SNTA1: variants seen among roughly 807,000 people sequenced by gnomAD.
SNTA1 encodes alpha-1-syntrophin.
In SNTA1, 31 loss-of-function variants were observed where a neutral mutation model predicts 47.1. The observed-to-expected ratio is 0.66, with a 90% confidence interval of 0.49 to 0.89. The LOEUF (loss-of-function observed/expected upper bound fraction) is 0.89. Ranked by LOEUF, SNTA1 falls within the 40% of genes least tolerant of loss-of-function variation. The pLI, the probability that SNTA1 is intolerant of heterozygous loss-of-function variation, is 0.00. For missense variants in SNTA1, 575 were observed against 693.0 expected, an observed-to-expected ratio of 0.83 and a Z score of 1.91; for synonymous variants, 300 against 313.6, an observed-to-expected ratio of 0.96 and a Z score of 0.46.
At chr20:33,425,213 G>A (rs1190645934) in intron 2 of SNTA1, among the ~76,000 whole-genome samples, 1 of 152,098 alleles carries the variant, frequency 6.6e-6, no homozygotes, top group African/African-American at 2.4e-5. Flanking sequence ...GGAGGTCAAG[G>A]CTGCTATGAT....
At chr20:33,438,525 G>C (rs1164562402) in intron 2 of SNTA1, among the ~76,000 whole-genome samples, 1 of 152,164 alleles carries the variant, frequency 6.6e-6, no homozygotes, top group Non-Finnish European at 1.5e-5. Context: ...CAACAACCCA[G>C]AAAGGCAGGA....
chr20:33,416,023 G>T (rs145974887), intron 3 of SNTA1, among the ~76,000 whole-genome samples: 1 of 152,034 alleles, frequency 6.6e-6, no homozygotes, highest in Non-Finnish European at 1.5e-5. Flanking sequence ...CAGGAGAATC[G>T]CTTGAACCCG....
At chr20:33,443,243 G>A in intron 1 of SNTA1, 68 bp downstream of exon 1, 2 of 1,293,236 alleles carry the variant, frequency 1.5e-6, no homozygotes, top group Non-Finnish European at 1.0e-6. Flanking sequence ...TGGGCGCGCT[G>A]CCAGCCCCCT....
rs535353711 is a variant in SNTA1, at chr20:33,424,701, A to G, written c.497-6778T>C. 4.6e-5 allele frequency among the ~76,000 whole-genome samples: 7 copies of G among 151,396 alleles called. No individual in the cohort carries two copies. In the East Asian group the frequency reaches 1.0e-3, roughly 22 times the overall value. ...GCTAATTTTTTTATTTTTTGTAGAG[A>G]TGGGGTTTTGTCTTGTTGCCCAGGT... On this transcript the variant is annotated intron_variant, in intron 2 of 7. Coordinates refer to ENST00000217381, the MANE Select transcript of SNTA1 (RefSeq NM_003098.3).
At chr20:33,412,894 C>T (rs1600840021) in intron 3 of SNTA1, 112 bp from the exon 4 acceptor site, 3 of 749,944 alleles carry the variant, frequency 4.0e-6, no homozygotes, top group Non-Finnish European at 7.0e-6. Context: ...GGGGGATGTC[C>T]GTGAGAGAAT....
chr20:33,424,358 T>G (rs1280307057), intron 2 of SNTA1, among the ~76,000 whole-genome samples: 2 of 151,298 alleles, frequency 1.3e-5, no homozygotes, highest in African/African-American at 4.9e-5. Context: ...AAATAGTACT[T>G]GACATATACC....
intron 2 of SNTA1, among the ~76,000 whole-genome samples, chr20:33,425,087 C>T (rs2146785878): frequency 6.6e-6 from 1 of 151,210 alleles, no homozygotes; most frequent in African/African-American, 2.4e-5. Flanking sequence ...CTGCACTCCA[C>T]CCTAGGTGAC....
chr20:33,413,033 CAG>C (rs1231389226), intron 3 of SNTA1, among the ~76,000 whole-genome samples: 1 of 152,166 alleles, frequency 6.6e-6, no homozygotes, highest in Non-Finnish European at 1.5e-5. Flanking sequence ...GTTTTTGAAA[CAG>C]AGCCTCGCTC....
chr20:33,443,562 C>A lies in SNTA1; in HGVS notation c.59G>T (p.Gly20Val). The A allele has an allele frequency of 1.5e-6, 2 of 1,326,856 alleles. No individual in the cohort carries two copies. The highest frequency in any genetic ancestry group is 2.8e-5 in the Admixed American group (1 of 36,342). 82.2% of individuals were successfully genotyped at this position (1,326,856 alleles called of 1,614,324 possible). ...CCATCGCTCGCCGCCGGCCCCCGAG[C>A]CCGCCCCGGCGCGCAGCTCCAGCAG... ...TGLLELRAGA[G>V]SGAGGERWQR... The change falls in exon 1 of 8, where the codon GGC becomes GTC. Residue 20 changes from glycine to valine, a missense_variant. Gly to Val is a moderately radical substitution (Grantham distance 109, BLOSUM62 -3). Coordinates refer to ENST00000217381, the MANE Select transcript of SNTA1 (RefSeq NM_003098.3).
In SNTA1 at chr20:33,408,275, G is replaced by A. The variant is rs923912715; in HGVS notation, c.*232C>T. The A allele has an allele frequency of 8.6e-6, 5 of 583,042 alleles. No homozygotes were observed. The highest frequency in any genetic ancestry group is 1.6e-5 in the Non-Finnish European group (5 of 322,578). The allele number at this position is 583,042 out of a possible 1,614,324, so 36.1% of individuals were successfully genotyped here. On this transcript the variant is annotated 3_prime_UTR_variant, in exon 8 of 8. Coordinates refer to ENST00000217381, the MANE Select transcript of SNTA1 (RefSeq NM_003098.3). ...AAAATATCTCTCTGCAAAAGGCACT[G>A]GTGGAGGGGGGCAGCAGGAAGGCCA...
intron 1 of SNTA1, among the ~76,000 whole-genome samples, chr20:33,440,078 T>A (rs1990542322): frequency 6.6e-6 from 1 of 151,616 alleles, no homozygotes; most frequent in East Asian, 1.9e-4. Context: ...TGAGCTGAGA[T>A]CACGCCATTG....
intron 3 of SNTA1, among the ~76,000 whole-genome samples, chr20:33,417,301 G>T (rs947863369): frequency 6.6e-6 from 1 of 152,214 alleles, no homozygotes; most frequent in South Asian, 2.1e-4. Context: ...CTGCTCAGAT[G>T]TGAAGGATGT....
In SNTA1 at chr20:33,417,792, T is replaced by C. The variant is rs1281992071; in HGVS notation, c.628A>G (p.Ser210Gly). ...SSPGPTPRNF[S>G]EAKHMSLKMA... ...TTCAAGGACATGTGTTTGGCCTCGC[T>C]GAAGTTCCGGGGTGTGGGGCCAGGG... The change falls in exon 3 of 8, where the codon AGC becomes GGC. Residue 210 changes from serine to glycine, a missense_variant. Ser to Gly is a moderately conservative substitution (Grantham distance 56). Coordinates refer to ENST00000217381, the MANE Select transcript of SNTA1 (RefSeq NM_003098.3). 5 of 1,613,948 alleles carry C rather than the reference T, an allele frequency of 3.1e-6. No individual in the cohort carries two copies. In the African/African-American group the frequency reaches 4.0e-5, roughly 13 times the overall value.
At chr20:33,414,205 T>C (rs1413803799) in intron 3 of SNTA1, among the ~76,000 whole-genome samples, 2 of 120,790 alleles carry the variant, frequency 1.7e-5, no homozygotes, top group Admixed American at 2.2e-4. Context: ...GCCATTGCAC[T>C]CCAGCCTGGG....
At chr20:33,409,208 A>T (rs919404888) in intron 6 of SNTA1, among the ~76,000 whole-genome samples, 1 of 152,158 alleles carries the variant, frequency 6.6e-6, no homozygotes, top group Non-Finnish European at 1.5e-5. Flanking sequence ...CTGCAGAGTT[A>T]CCCGGCTAAA....
At chr20:33,431,213 A>T (rs1475226034) in intron 2 of SNTA1, among the ~76,000 whole-genome samples, 3 of 152,074 alleles carry the variant, frequency 2.0e-5, no homozygotes, top group Non-Finnish European at 4.4e-5. Context: ...GTGAGCCGTG[A>T]TCATGCAACT....
chr20:33,417,996 T>C (rs1322441442), intron 2 of SNTA1, 73 bp from the exon 3 acceptor site: 34 of 998,118 alleles, frequency 3.4e-5, no homozygotes, highest in Non-Finnish European at 7.9e-6. Flanking sequence ...GTCACTAATT[T>C]ATTAAGAGTT....
intron 2 of SNTA1, among the ~76,000 whole-genome samples, chr20:33,426,692 G>A (rs1226236286): frequency 1.3e-5 from 2 of 151,740 alleles, no homozygotes; most frequent in African/African-American, 4.8e-5. Flanking sequence ...AACCCGGGAG[G>A]CAGAGGTTGC....
intron 2 of SNTA1, among the ~76,000 whole-genome samples, chr20:33,437,906 G>C: frequency 6.6e-6 from 1 of 152,240 alleles, no homozygotes. Flanking sequence ...TCCCACCCAA[G>C]ACCACACTGT....
Sources: gnomAD v4.1 joint callset for allele counts (sites outside exome capture counted in the v4.1 genomes callset) on GRCh38, gnomAD v4.1.1 for gene constraint, MANE v1.5 for transcripts, NCBI Gene and HGNC (gene_info 2026-07-23, HGNC 2026-07-21) for gene names.